ZHX2: variants seen among roughly 807,000 people sequenced by gnomAD.
ZHX2 encodes zinc fingers and homeoboxes protein 2.
Under a neutral mutation model 21.9 loss-of-function variants are expected in ZHX2, and 6 were observed. The observed-to-expected ratio is 0.27, with a 90% CI of 0.15 to 0.54. ZHX2 has a LOEUF of 0.54. Ranked by LOEUF, ZHX2 falls within the 20% of genes least tolerant of loss-of-function variation. The probability of loss-of-function intolerance (pLI) is 0.95; values close to 1 mark genes in which losing one functional copy is unlikely to be tolerated. For missense variants in ZHX2, 908 were observed against 1,090.7 expected (o/e 0.83, Z 2.36); for synonymous variants, 434 against 437.1 (o/e 0.99, Z 0.09).
intron 3 of ZHX2, among the ~76,000 whole-genome samples, chr8:122,967,899 C>T (rs1430469069): frequency 1.3e-5 from 2 of 152,096 alleles, no homozygotes; most frequent in Non-Finnish European, 2.9e-5. Context: ...CACAGAACTT[C>T]CAAAAGATTA....
At chr8:122,852,010 T>C (rs1324031264) in intron 1 of ZHX2, among the ~76,000 whole-genome samples, 1 of 152,236 alleles carries the variant, frequency 6.6e-6, no homozygotes, top group East Asian at 1.9e-4. Flanking sequence ...CCTTCCTGTT[T>C]AATTTTTTAA....
rs980779585 is a variant in ZHX2 at position 122,905,641 on chromosome 8, G to C, written c.-220+42102G>C. Among the ~76,000 whole-genome samples, 11 of 152,284 alleles carry C rather than the reference G, an allele frequency of 7.2e-5. No homozygotes were observed. The East Asian group carries it at 1.9e-3, about 27-fold the overall frequency. The stretch of plus-strand genomic sequence containing the variant: ...AACAAAAGCAGAGGATGAGAATTTT[G>C]AAAAAGGAAAACAGTCTGAGTCTCA... On this transcript the variant is annotated intron_variant, in intron 2 of 3. Coordinates refer to ENST00000314393, the MANE Select transcript of ZHX2 (RefSeq NM_014943.5).
intron 2 of ZHX2, among the ~76,000 whole-genome samples, chr8:122,895,392 C>T (rs1050235788): frequency 6.6e-6 from 1 of 152,208 alleles, no homozygotes; most frequent in African/African-American, 2.4e-5. Context: ...CCAGGAGATG[C>T]TACTGCATGG....
chr8:122,836,426 C>A (rs1376999346), intron 1 of ZHX2, among the ~76,000 whole-genome samples: 1 of 152,148 alleles, frequency 6.6e-6, no homozygotes, highest in African/African-American at 2.4e-5. Flanking sequence ...GGGATGCAGA[C>A]CTGAGCCCCT....
At chr8:122,865,268 A>G (rs1819262594) in intron 2 of ZHX2, among the ~76,000 whole-genome samples, 1 of 151,970 alleles carries the variant, frequency 6.6e-6, no homozygotes, top group South Asian at 2.1e-4. Context: ...AGCTGGGACT[A>G]CAGGTGCCCA....
intron 2 of ZHX2, among the ~76,000 whole-genome samples, chr8:122,944,483 T>C (rs1404742907): frequency 2.6e-5 from 4 of 152,154 alleles, no homozygotes; most frequent in African/African-American, 9.7e-5. Context: ...TCTTTCTCCT[T>C]CTTGTATTTG....
Position 122,974,045 on chromosome 8 carries a change from C to T in ZHX2, c.*808C>T, listed in dbSNP as rs1243360230. ...CTTCTTTAAGCACCTTTCTAAATAC[C>T]AGCAGAAGAGGCTCCCGCCTCTGTT... On this transcript the variant is annotated 3_prime_UTR_variant, in exon 4 of 4. Transcript: ENST00000314393. 1.3e-5 allele frequency: 2 copies of T among 152,654 alleles called. No individual in the cohort carries two copies. The highest frequency in any genetic ancestry group is 2.9e-5 in the Non-Finnish European group (2 of 68,060). The allele number at this position is 152,654 out of a possible 1,614,324, so 9.5% of individuals were successfully genotyped here. A position where few individuals can be genotyped will look rare whatever the true frequency, so the allele number is the denominator to read the frequency against.
At chr8:122,793,360 G>A (rs1411796922) in intron 1 of ZHX2, among the ~76,000 whole-genome samples, 9 of 152,176 alleles carry the variant, frequency 5.9e-5, no homozygotes, top group African/African-American at 2.2e-4. Flanking sequence ...CCTGACCTGG[G>A]CATCATAAGT....
chr8:122,793,369 G>T (rs997785463), intron 1 of ZHX2, among the ~76,000 whole-genome samples: 3 of 152,188 alleles, frequency 2.0e-5, no homozygotes, highest in Non-Finnish European at 4.4e-5. Context: ...GGCATCATAA[G>T]TCCCAGCCAC....
chr8:122,886,768 A>G (rs1819851059), intron 2 of ZHX2, among the ~76,000 whole-genome samples: 1 of 152,234 alleles, frequency 6.6e-6, no homozygotes, highest in Admixed American at 6.5e-5. Flanking sequence ...AATAGAAATT[A>G]TTGCTGGAGA....
chr8:122,817,114 G>A (rs997403574), intron 1 of ZHX2, among the ~76,000 whole-genome samples: 2 of 152,218 alleles, frequency 1.3e-5, no homozygotes, highest in African/African-American at 4.8e-5. Flanking sequence ...GCAGTCACGT[G>A]ATCGTAGCTA....
chr8:122,825,898 CTT>C (rs1359497459), intron 1 of ZHX2, among the ~76,000 whole-genome samples: 1 of 152,212 alleles, frequency 6.6e-6, no homozygotes, highest in Non-Finnish European at 1.5e-5. Context: ...CTCCCCCTCT[CTT>C]TATTTCCTCC....
chr8:122,958,506 G>A (rs1813363009), intron 3 of ZHX2, among the ~76,000 whole-genome samples: 1 of 152,182 alleles, frequency 6.6e-6, no homozygotes, highest in Non-Finnish European at 1.5e-5. Flanking sequence ...TGTGTGCTCA[G>A]CTGCCTTCTA....
intron 1 of ZHX2, among the ~76,000 whole-genome samples, chr8:122,815,225 G>A (rs976381494): frequency 6.6e-6 from 1 of 152,256 alleles, no homozygotes; most frequent in Non-Finnish European, 1.5e-5. Context: ...GGGCAGGGTC[G>A]GCTTCTCCGT....
chr8:122,898,847 G>A (rs1820159106), intron 2 of ZHX2, among the ~76,000 whole-genome samples: 1 of 152,376 alleles, frequency 6.6e-6, no homozygotes, highest in African/African-American at 2.4e-5. Flanking sequence ...AGAGTGGCGT[G>A]CTGGGATGCA....
At chr8:122,845,092 A>G (rs951277362) in intron 1 of ZHX2, among the ~76,000 whole-genome samples, 1 of 152,230 alleles carries the variant, frequency 6.6e-6, no homozygotes, top group Non-Finnish European at 1.5e-5. Flanking sequence ...AAACACAGAC[A>G]GACAAAGAGA....
At chr8:122,902,015 C>A (rs1464943822) in intron 2 of ZHX2, among the ~76,000 whole-genome samples, 1 of 150,268 alleles carries the variant, frequency 6.7e-6, no homozygotes, top group Non-Finnish European at 1.5e-5. Context: ...CAGTCCTATG[C>A]TACGTGAAAA....
chr8:122,855,268 C>G lies in ZHX2; in HGVS notation c.-282-8209C>G, dbSNP rs149590814. Among the ~76,000 whole-genome samples, 106 of 152,310 alleles carry G rather than the reference C, an allele frequency of 7.0e-4. 1 individual carries two copies. The highest frequency in any genetic ancestry group is 2.6e-3 in the African/African-American group (106 of 41,552). ...AATAGAGGCCAGCATAAAGTTGACT[C>G]CATAAGTGAAGTTGTAACATTTTTG... is the stretch of plus-strand genomic sequence containing the variant. On this transcript the variant is annotated intron_variant, in intron 1 of 3. Coordinates refer to ENST00000314393, the MANE Select transcript of ZHX2 (RefSeq NM_014943.5).
chr8:122,879,463 C>T (rs1255154641), intron 2 of ZHX2, among the ~76,000 whole-genome samples: 1 of 151,672 alleles, frequency 6.6e-6, no homozygotes, highest in Admixed American at 6.6e-5. Flanking sequence ...CCTTGGCCTC[C>T]CAAAGTGCTG....
Sources: allele counts gnomAD v4.1 joint callset (sites outside exome capture counted in the v4.1 genomes callset), GRCh38; gene constraint gnomAD v4.1.1; transcripts MANE v1.5; gene names NCBI Gene and HGNC (gene_info 2026-07-23, HGNC 2026-07-21).